Variants in KCNG2 observed in about 807,000 individuals in gnomAD.
The protein encoded by KCNG2 is voltage-gated potassium channel regulatory subunit KCNG2.
In KCNG2, 7 loss-of-function variants were observed where a neutral mutation model predicts 12.3. The ratio of observed to expected loss-of-function variants is 0.57; its 90% CI spans 0.32 to 1.07. The LOEUF (loss-of-function observed/expected upper bound fraction) is 1.07, where lower values mean the gene tolerates loss of function less well. KCNG2 is among the 50% of genes least tolerant of loss of function. The pLI, the probability that KCNG2 is intolerant of heterozygous loss-of-function variation, is 0.04. For missense variants in KCNG2, 703 were observed against 726.0 expected (o/e 0.97, Z 0.36); for synonymous variants, 414 against 351.4 (o/e 1.18, Z -1.99).
chr18:79,829,448 G>C (rs552235842), intron 1 of KCNG2, among the ~76,000 whole-genome samples: 5 of 152,228 alleles, frequency 3.3e-5, no homozygotes, highest in African/African-American at 1.2e-4. Flanking sequence ...TTTTTTACTT[G>C]AAGTGAGTCA....
intron 1 of KCNG2, among the ~76,000 whole-genome samples, chr18:79,841,558 G>T (rs936542667): frequency 5.3e-5 from 8 of 152,056 alleles, no homozygotes; most frequent in Non-Finnish European, 1.2e-4. Flanking sequence ...AAACTCAACA[G>T]CAAAATAACA....
intron 3 of KCNG2, 72 bp downstream of exon 3, chr18:79,864,363 TG>T: frequency 2.6e-5 from 1 of 38,936 alleles, no homozygotes; most frequent in Non-Finnish European, 5.0e-5. Context: ...TGCGGGGAGG[TG>T]GGTGGGGGAA....
At chr18:79,858,149 C>T (rs562050710) in intron 2 of KCNG2, among the ~76,000 whole-genome samples, 4 of 152,136 alleles carry the variant, frequency 2.6e-5, no homozygotes, top group Non-Finnish European at 4.4e-5. Flanking sequence ...TACAGGCGCC[C>T]GCCACTGCAC....
chr18:79,829,466 G>T (rs967032793), intron 1 of KCNG2, among the ~76,000 whole-genome samples: 5 of 152,142 alleles, frequency 3.3e-5, no homozygotes, highest in Non-Finnish European at 7.4e-5. Context: ...TCAAGTAGCT[G>T]GTCAGCCTCT....
At chr18:79,829,128 A>T (rs1372931174) in intron 1 of KCNG2, among the ~76,000 whole-genome samples, 2 of 119,760 alleles carry the variant, frequency 1.7e-5, no homozygotes, top group African/African-American at 6.6e-5. Flanking sequence ...TGATGTGTGC[A>T]TGTGTCTGTG....
At chr18:79,813,995 G>A (rs998968269) in intron 1 of KCNG2, among the ~76,000 whole-genome samples, 1 of 152,168 alleles carries the variant, frequency 6.6e-6, no homozygotes, top group Non-Finnish European at 1.5e-5. Flanking sequence ...CAGACAAGCA[G>A]GTGCAAAGAC....
intron 1 of KCNG2, among the ~76,000 whole-genome samples, chr18:79,832,971 A>G (rs1236917420): frequency 1.3e-5 from 2 of 152,200 alleles, no homozygotes; most frequent in African/African-American, 4.8e-5. Flanking sequence ...CCTGGGCTGC[A>G]CCCAGTCTCC....
intron 1 of KCNG2, among the ~76,000 whole-genome samples, chr18:79,802,017 A>G (rs536612614): frequency 6.6e-6 from 1 of 152,320 alleles, no homozygotes; most frequent in East Asian, 1.9e-4. Flanking sequence ...CACATATCCT[A>G]CATGACGTTC....
chr18:79,873,231 C>T (rs1234915598), intron 3 of KCNG2, among the ~76,000 whole-genome samples: 1 of 152,208 alleles, frequency 6.6e-6, no homozygotes, highest in Non-Finnish European at 1.5e-5. Context: ...CGTTTCTCGC[C>T]TCCTGTCCGT....
intron 1 of KCNG2, among the ~76,000 whole-genome samples, chr18:79,798,892 G>T (rs991635600): frequency 6.6e-6 from 1 of 152,200 alleles, no homozygotes; most frequent in Non-Finnish European, 1.5e-5. Flanking sequence ...GAGACCCTGG[G>T]GCATTCTGCG....
At chr18:79,829,639 T>C (rs1037844503) in intron 1 of KCNG2, among the ~76,000 whole-genome samples, 9 of 152,176 alleles carry the variant, frequency 5.9e-5, no homozygotes, top group African/African-American at 2.2e-4. Flanking sequence ...GGTCGGACTC[T>C]GCCTCACACC....
intron 1 of KCNG2, among the ~76,000 whole-genome samples, chr18:79,850,267 TC>T (rs1978772628): frequency 6.6e-6 from 1 of 152,220 alleles, no homozygotes; most frequent in South Asian, 2.1e-4. Context: ...TTCCTCCCTC[TC>T]CATGCAGAGG....
At chr18:79,805,870 C>T (rs1170159562) in intron 1 of KCNG2, among the ~76,000 whole-genome samples, 1 of 152,056 alleles carries the variant, frequency 6.6e-6, no homozygotes. Flanking sequence ...CATGCACACA[C>T]ACACACACAC....
chr18:79,842,627 A>G (rs1230272060), intron 1 of KCNG2, among the ~76,000 whole-genome samples: 1 of 152,222 alleles, frequency 6.6e-6, no homozygotes, highest in Non-Finnish European at 1.5e-5. Context: ...CAAGAAAATA[A>G]TACATGAGCA....
chr18:79,852,748 G>C (rs368134923), intron 1 of KCNG2, among the ~76,000 whole-genome samples: 3 of 152,238 alleles, frequency 2.0e-5, no homozygotes, highest in Non-Finnish European at 2.9e-5. Flanking sequence ...CCAGCTTCCC[G>C]GCCAATCAGG....
intron 3 of KCNG2, among the ~76,000 whole-genome samples, chr18:79,869,307 G>A (rs184550239): frequency 3.2e-4 from 49 of 152,326 alleles, no homozygotes; most frequent in South Asian, 1.7e-3. Context: ...GAAACGCCTG[G>A]TCTGCTGCAC....
intron 1 of KCNG2, among the ~76,000 whole-genome samples, chr18:79,826,893 G>C (rs1978286558): frequency 6.6e-6 from 1 of 152,250 alleles, no homozygotes; most frequent in Non-Finnish European, 1.5e-5. Context: ...CTAATCACTT[G>C]TTTGATAAAA....
In KCNG2 at chr18:79,797,940, A is replaced by G. The variant is rs2087374566; in HGVS notation, c.-189A>G. Among the ~76,000 whole-genome samples, 1 of 150,544 alleles carries G rather than the reference A, an allele frequency of 6.6e-6. No homozygotes were observed. Among genetic ancestry groups the G allele is most frequent in the African/African-American group, 2.5e-5 (1 of 40,804 alleles). ...CCGGAGTCCGGGATGCCGGCTCCAG[A>G]GACGCCGCGCTCCGCCCCGAGGAGG... On this transcript the variant is annotated 5_prime_UTR_variant, in exon 1 of 4. Transcript: ENST00000316249.
intron 3 of KCNG2, among the ~76,000 whole-genome samples, chr18:79,866,090 GTC>G (rs1979519608): frequency 7.1e-6 from 1 of 141,758 alleles, no homozygotes. Flanking sequence ...GTTCTGAGAG[GTC>G]TGTGTTCTGA....
Sources: gnomAD v4.1 joint callset for allele counts (sites outside exome capture counted in the v4.1 genomes callset) on GRCh38, gnomAD v4.1.1 for gene constraint, MANE v1.5 for transcripts, NCBI Gene and HGNC (gene_info 2026-07-23, HGNC 2026-07-21) for gene names.